DYNC1LI2: variants seen among roughly 807,000 people sequenced by gnomAD.
DYNC1LI2 encodes the protein cytoplasmic dynein 1 light intermediate chain 2.
Under a neutral mutation model 57.8 loss-of-function variants are expected in DYNC1LI2, and 19 were observed. That is an observed-to-expected ratio of 0.33 (90% CI 0.23 to 0.48). The LOEUF is 0.48. Ranked by LOEUF, DYNC1LI2 falls within the 20% of genes least tolerant of loss-of-function variation. The pLI, the probability that DYNC1LI2 is intolerant of heterozygous loss-of-function variation, is 0.99. For synonymous variants in DYNC1LI2, 256 were observed against 233.4 expected, an observed-to-expected ratio of 1.10 and a Z score of -0.88; for missense variants, 470 against 604.2, an observed-to-expected ratio of 0.78 and a Z score of 2.33.
At chr16:66,738,423 T>C (rs1395513258) in intron 4 of DYNC1LI2, 1 of 151,912 alleles carries the variant, frequency 6.6e-6, no homozygotes, top group Non-Finnish European at 1.5e-5. Context: ...AATTTTGTTT[T>C]GTATTTTTAG....
chr16:66,745,823 G>A (rs549682988), intron 3 of DYNC1LI2, among the ~76,000 whole-genome samples: 5 of 151,926 alleles, frequency 3.3e-5, no homozygotes, highest in South Asian at 4.1e-4. Context: ...AGGACTGCTC[G>A]AGCTCGGGAG....
Position 66,732,289 on chromosome 16 carries a change from A to G in DYNC1LI2, c.929+50T>C, listed in dbSNP as rs541275141. The G allele has an allele frequency of 2.5e-6, 4 of 1,595,028 alleles. No homozygotes were observed. The South Asian group carries it at 4.6e-5, about 18-fold the overall frequency. On this transcript the variant is annotated intron_variant, in intron 7 of 12. Transcript: ENST00000258198. ...TTGAAGGGGTAAAATGTAAAAAGCA[A>G]ATGTACTTTAAAAAGAAGAGTTTCA...
intron 3 of DYNC1LI2, among the ~76,000 whole-genome samples, chr16:66,748,148 C>G (rs1315565649): frequency 2.0e-5 from 3 of 151,636 alleles, no homozygotes; most frequent in Admixed American, 2.0e-4. Flanking sequence ...TGTGGTGGCA[C>G]ACATCTATAG....
chr16:66,731,139 T>A (rs1197516484), intron 7 of DYNC1LI2: 1 of 152,240 alleles, frequency 6.6e-6, no homozygotes, highest in Non-Finnish European at 1.5e-5. Context: ...ATGATTGAGA[T>A]ACTGCCGTGA....
At chr16:66,730,034 G>T in intron 8 of DYNC1LI2, 78 bp downstream of exon 8, 2 of 1,271,356 alleles carry the variant, frequency 1.6e-6, no homozygotes, top group Non-Finnish European at 2.2e-6. Context: ...GCCCGCTTTG[G>T]CCTCCCAAAG....
At chr16:66,738,883 AAACACACACAC>A (rs1270707384) in intron 4 of DYNC1LI2, 27 of 85,488 alleles carry the variant, frequency 3.2e-4, no homozygotes, top group African/African-American at 1.3e-3. Flanking sequence ...AAAAAAAAAC[AAACACACACAC>A]ACACACACAC....
At chr16:66,749,438 TG>T in intron 2 of DYNC1LI2, 125 bp from the exon 3 acceptor site, 4 of 946,946 alleles carry the variant, frequency 4.2e-6, no homozygotes, top group Non-Finnish European at 6.6e-6. Context: ...AAGTCTCACC[TG>T]CTTTCATAAA....
Position 66,728,231 on chromosome 16 carries a change from G to C in DYNC1LI2, c.1113C>G (p.Ala371=), listed in dbSNP as rs1357137067. 1 of 1,613,934 alleles carries C rather than the reference G, an allele frequency of 6.2e-7. No individual in the cohort carries two copies. Among genetic ancestry groups the C allele is most frequent in the African/African-American group, 1.3e-5 (1 of 74,902 alleles). The change falls in exon 10 of 13, where the codon GCC becomes GCG. Residue 371 remains alanine (A), a synonymous_variant. Coordinates refer to ENST00000258198, the MANE Select transcript of DYNC1LI2 (RefSeq NM_006141.3). ...CTCTCGTGGGAGTGGCTGGTTGCTT[G>C]GCAAGGAGTGACTGCAAAGAGAGGG... ...VFLMKQQSLL[A]KQPATPTRAS...
intron 2 of DYNC1LI2, among the ~76,000 whole-genome samples, chr16:66,749,714 A>T (rs528912289): frequency 5.0e-4 from 76 of 152,238 alleles, no homozygotes; most frequent in Non-Finnish European, 7.5e-4. Context: ...AATTAACCTA[A>T]AAGTCCAGGT....
In DYNC1LI2 at chr16:66,751,559, C is replaced by T. The variant is rs555849885; in HGVS notation, c.33G>A (p.Leu11=). The change falls in exon 1 of 13, where the codon CTG becomes CTA. Residue 11 remains leucine (L), a synonymous_variant. Coordinates refer to ENST00000258198, the MANE Select transcript of DYNC1LI2 (RefSeq NM_006141.3). This position sits in a 1 kb window ranked among gnomAD's most constrained non-coding sequence, Gnocchi z 5.2. MAPVGVEKKL[L]LGPNGPAVAA... ...CCACCGCGGGCCCGTTGGGACCTAG[C>T]AGCAGCTTCTTCTCCACCCCCACCG... 49 of 1,585,068 alleles carry T rather than the reference C, an allele frequency of 3.1e-5. No homozygotes were observed. Among genetic ancestry groups the T allele is most frequent in the Non-Finnish European group, 4.1e-5 (48 of 1,168,118 alleles).
intron 3 of DYNC1LI2, among the ~76,000 whole-genome samples, chr16:66,745,796 C>T (rs1470369348): frequency 2.0e-5 from 3 of 151,556 alleles, no homozygotes; most frequent in Admixed American, 6.6e-5. Context: ...CCCAGCTACT[C>T]GGGAGACTGA....
chr16:66,751,458 G>A lies in DYNC1LI2; in HGVS notation c.107+27C>T. The A allele has an allele frequency of 1.3e-6, 2 of 1,581,450 alleles. No individual in the cohort carries two copies. Among genetic ancestry groups the A allele is most frequent in the Non-Finnish European group, 1.7e-6 (2 of 1,167,788 alleles). On this transcript the variant is annotated intron_variant, in intron 1 of 12. Coordinates refer to ENST00000258198, the MANE Select transcript of DYNC1LI2 (RefSeq NM_006141.3). This position sits in a 1 kb window ranked among gnomAD's most constrained non-coding sequence, Gnocchi z 5.2. ...CGGCCCAGAGGCCGCGCCCCCCACGGCCCGGCCCGACCGCCCGCGGCCTCA... is the reference window on the plus strand; with the variant it reads ...CGGCCCAGAGGCCGCGCCCCCCACGACCCGGCCCGACCGCCCGCGGCCTCA...
chr16:66,743,434 G>A (rs1169033174), intron 3 of DYNC1LI2, among the ~76,000 whole-genome samples: 60 of 151,660 alleles, frequency 4.0e-4, no homozygotes, highest in Non-Finnish European at 7.4e-5. Flanking sequence ...GGTGGCAGGC[G>A]CCTGTAATCC....
At chr16:66,727,450 TCA>T (rs1208627060) in intron 11 of DYNC1LI2, among the ~76,000 whole-genome samples, 1 of 152,206 alleles carries the variant, frequency 6.6e-6, no homozygotes, top group East Asian at 1.9e-4. Flanking sequence ...AAGTGAGGTC[TCA>T]CACAGAGCCA....
intron 4 of DYNC1LI2, chr16:66,739,446 T>C (rs1481636476): frequency 6.6e-6 from 1 of 152,256 alleles, no homozygotes; most frequent in Non-Finnish European, 1.5e-5. Flanking sequence ...ATTTTATTTA[T>C]TTAATTGTTT....
chr16:66,732,006 G>A (rs1467265624), intron 7 of DYNC1LI2: 2 of 223,826 alleles, frequency 8.9e-6, no homozygotes, highest in South Asian at 2.6e-4. Context: ...TAAAGCAGGC[G>A]CTTTAATAGA....
intron 3 of DYNC1LI2, among the ~76,000 whole-genome samples, chr16:66,747,609 G>A (rs116253771): frequency 0.035 from 5,188 of 146,674 alleles, 279 homozygotes; most frequent in African/African-American, 0.12. Flanking sequence ...TCGTTTTATC[G>A]CCTAGGCTGG....
chr16:66,723,825 G>GAAAA lies in DYNC1LI2; in HGVS notation c.1379-7_1379-4dup. Reference sequence around the variant, plus strand: ...ATTTGACAACACAGTCTTTTGTCCTGAAAAAAAAAAAAAGCAAAAAAGCAA... The same window carrying GAAAA: ...ATTTGACAACACAGTCTTTTGTCCTGAAAAAAAAAAAAAAAAAGCAAAAAAGCAA... On this transcript the variant is annotated splice_polypyrimidine_tract_variant and splice_region_variant and intron_variant, in intron 12 of 12. Transcript: ENST00000258198. 1.4e-6 allele frequency: 2 copies of GAAAA among 1,389,492 alleles called. No individual in the cohort carries two copies. 86.1% of individuals were successfully genotyped at this position (1,389,492 alleles called of 1,614,324 possible). A position where few individuals can be genotyped will look rare whatever the true frequency, so the allele number is the denominator to read the frequency against.
Position 66,736,251 on chromosome 16 carries a change from GA to G in DYNC1LI2, c.530-8del. The G allele has an allele frequency of 3.1e-6, 5 of 1,602,958 alleles. No individual in the cohort carries two copies. The highest frequency in any genetic ancestry group is 4.3e-6 in the Non-Finnish European group (5 of 1,174,344). The stretch of plus-strand genomic sequence containing the variant: ...TCTTGAAAATCTTTCACAACTGGGG[GA>G]AAAAGAGGAAAAAAAATCACATGCA... On this transcript the variant is annotated splice_region_variant and splice_polypyrimidine_tract_variant and intron_variant, in intron 4 of 12. Transcript: ENST00000258198.
Sources: allele counts gnomAD v4.1 joint callset (sites outside exome capture counted in the v4.1 genomes callset), GRCh38; gene constraint gnomAD v4.1.1; non-coding constraint Gnocchi (gnomAD v3.1); transcripts MANE v1.5; gene names NCBI Gene and HGNC (gene_info 2026-07-23, HGNC 2026-07-21).